SRBD1: variants seen among roughly 807,000 people sequenced by gnomAD.
SRBD1 encodes the protein S1 RNA-binding domain-containing protein 1.
A neutral mutation model predicts 115.3 loss-of-function variants in SRBD1; 88 were observed. The ratio of observed to expected loss-of-function variants is 0.76; its 90% CI spans 0.64 to 0.91. The LOEUF (loss-of-function observed/expected upper bound fraction) is 0.91, where lower values mean the gene tolerates loss of function less well. Among genes scored for constraint, SRBD1 ranks in the 40% least tolerant of loss-of-function variants. The pLI is 0.00. For missense variants in SRBD1, 1,385 were observed against 1,177.4 expected (o/e 1.18, Z -2.58); for synonymous variants, 509 against 407.7 (o/e 1.25, Z -2.99).
chr2:45,569,358 C>T (rs542229471), intron 9 of SRBD1: 2 of 152,234 alleles, frequency 1.3e-5, no homozygotes, highest in African/African-American at 4.8e-5. Context: ...GTGGGGTCAC[C>T]ATATTGATAC....
chr2:45,487,128 G>GC (rs1186342085), intron 15 of SRBD1, among the ~76,000 whole-genome samples: 1 of 152,080 alleles, frequency 6.6e-6, no homozygotes, highest in East Asian at 1.9e-4. Context: ...ACGTAAGAAC[G>GC]CTTTTAGCTT....
intron 7 of SRBD1, among the ~76,000 whole-genome samples, 158 bp from the exon 8 acceptor site, chr2:45,574,881 T>A (rs1197028411): frequency 1.3e-5 from 2 of 152,182 alleles, no homozygotes; most frequent in African/African-American, 2.4e-5. Flanking sequence ...TAGCTTCCCT[T>A]TGTAACAAAA....
At chr2:45,485,111 C>T (rs1670078917) in intron 15 of SRBD1, among the ~76,000 whole-genome samples, 2 of 152,118 alleles carry the variant, frequency 1.3e-5, no homozygotes, top group Admixed American at 6.5e-5. Flanking sequence ...AGTGAAATTG[C>T]TGGGCCTATG....
At chr2:45,414,959 CACATAT>C (rs1312290624) in intron 18 of SRBD1, among the ~76,000 whole-genome samples, 21 of 106,218 alleles carry the variant, frequency 2.0e-4, no homozygotes, top group East Asian at 1.0e-3. Context: ...TACATACACA[CACATAT>C]AGTGTGTATA....
intron 14 of SRBD1, among the ~76,000 whole-genome samples, chr2:45,496,262 T>G (rs997508731): frequency 6.6e-6 from 1 of 152,210 alleles, no homozygotes; most frequent in African/African-American, 2.4e-5. Flanking sequence ...ATGGCATAGA[T>G]TTTTTAGAAT....
intron 14 of SRBD1, among the ~76,000 whole-genome samples, chr2:45,491,913 C>G (rs1211209774): frequency 1.3e-5 from 2 of 152,128 alleles, no homozygotes; most frequent in Non-Finnish European, 2.9e-5. Context: ...CCTCCGCCTC[C>G]CAGGTTCAAG....
At chr2:45,414,645 A>G (rs987260324) in intron 18 of SRBD1, among the ~76,000 whole-genome samples, 1 of 150,854 alleles carries the variant, frequency 6.6e-6, no homozygotes, top group Admixed American at 6.6e-5. Flanking sequence ...TAGTGTGTAT[A>G]TAGTATGCAC....
At chr2:45,447,778 G>A (rs766228333) in intron 16 of SRBD1, 47 of 152,206 alleles carry the variant, frequency 3.1e-4, no homozygotes, top group African/African-American at 7.0e-4. Context: ...AATATGTTAC[G>A]TAACAAAAGC....
chr2:45,447,891 A>AT (rs1447457769), intron 16 of SRBD1: 1 of 152,160 alleles, frequency 6.6e-6, no homozygotes, highest in Non-Finnish European at 1.5e-5. Context: ...AGTAAACAGT[A>AT]TTTTCTCTCC....
At chr2:45,488,971 C>G (rs181055167) in intron 14 of SRBD1, among the ~76,000 whole-genome samples, 1 of 152,072 alleles carries the variant, frequency 6.6e-6, no homozygotes, top group Non-Finnish European at 1.5e-5. Flanking sequence ...GGTGTTAATT[C>G]CTTTCATCAT....
intron 4 of SRBD1, among the ~76,000 whole-genome samples, chr2:45,591,918 T>A (rs1303552772): frequency 6.6e-6 from 1 of 152,192 alleles, no homozygotes; most frequent in Admixed American, 6.5e-5. Flanking sequence ...TCCAGTGTGA[T>A]ATGGTTTGGC....
chr2:45,450,573 A>G (rs1001064511), intron 16 of SRBD1, among the ~76,000 whole-genome samples: 2 of 152,128 alleles, frequency 1.3e-5, no homozygotes, highest in Non-Finnish European at 2.9e-5. Context: ...TATATCTTAA[A>G]GCACTGTCCT....
chr2:45,499,947 C>T (rs559027609), intron 14 of SRBD1, among the ~76,000 whole-genome samples: 2 of 152,154 alleles, frequency 1.3e-5, no homozygotes, highest in South Asian at 2.1e-4. Context: ...CAGCTTTGTT[C>T]GTTTTGCTAA....
chr2:45,556,058 T>G (rs917645081), intron 10 of SRBD1, among the ~76,000 whole-genome samples: 3 of 152,220 alleles, frequency 2.0e-5, no homozygotes, highest in Admixed American at 2.0e-4. Flanking sequence ...GCACTTACAA[T>G]GTTTTATTCC....
chr2:45,562,480 C>G (rs531282972), intron 10 of SRBD1, among the ~76,000 whole-genome samples, 173 bp downstream of exon 10: 3 of 152,328 alleles, frequency 2.0e-5, no homozygotes, highest in East Asian at 1.9e-4. Flanking sequence ...GATCCACCCC[C>G]CTCAGCCTCC....
Position 45,389,992 on chromosome 2 carries a change from T to A in SRBD1, c.2699-393A>T, listed in dbSNP as rs572661384. On this transcript the variant is annotated intron_variant, in intron 20 of 20. Transcript: ENST00000263736. ...AAACAAGAGACTGGAAGCTTTTTTT[T>A]TGGTTTTTCCCCCAGTGCCTGGATT... 1.1e-3 allele frequency among the ~76,000 whole-genome samples: 173 copies of A among 152,304 alleles called. 1 individual carries two copies. Among genetic ancestry groups the A allele is most frequent in the Admixed American group, 4.6e-3 (71 of 15,294 alleles).
At chr2:45,587,275 T>C in intron 4 of SRBD1, among the ~76,000 whole-genome samples, 1 of 147,540 alleles carries the variant, frequency 6.8e-6, no homozygotes, top group South Asian at 2.1e-4. Context: ...ATGTTAATTA[T>C]AATATTAAAA....
chr2:45,591,840 T>G, intron 4 of SRBD1, among the ~76,000 whole-genome samples: 1 of 152,308 alleles, frequency 6.6e-6, no homozygotes, highest in East Asian at 1.9e-4. Flanking sequence ...GTTAACTGAA[T>G]GCAGACACCA....
chr2:45,392,836 G>T, intron 20 of SRBD1, 109 bp downstream of exon 20: 3 of 988,256 alleles, frequency 3.0e-6, no homozygotes, highest in African/African-American at 1.6e-5. Flanking sequence ...TGTATAAAAT[G>T]GGAGAATAAT....
Sources: gnomAD v4.1 joint callset for allele counts (sites outside exome capture counted in the v4.1 genomes callset) on GRCh38, gnomAD v4.1.1 for gene constraint, MANE v1.5 for transcripts, NCBI Gene and HGNC (gene_info 2026-07-23, HGNC 2026-07-21) for gene names.